The following IRAK1BP1 variants were observed in gnomAD, a reference collection of about 807,000 sequenced individuals.
IRAK1BP1 encodes the protein interleukin 1 receptor associated kinase 1 binding protein 1.
IRAK1BP1 carries 24 observed loss-of-function variants against 28.0 expected under a neutral mutation model. The observed-to-expected ratio is 0.86, with a 90% CI of 0.62 to 1.20. IRAK1BP1 has a LOEUF of 1.20. Among genes scored for constraint, IRAK1BP1 ranks in the 50% most tolerant of loss-of-function variants. The pLI, the probability that IRAK1BP1 is intolerant of heterozygous loss-of-function variation, is 0.00. For synonymous variants in IRAK1BP1, 131 were observed against 116.3 expected, an observed-to-expected ratio of 1.13 and a Z score of -0.81; for missense variants, 336 against 316.7, an observed-to-expected ratio of 1.06 and a Z score of -0.46.
chr6:78,942,911 T>C (rs1773576248), intron 4 of IRAK1BP1, among the ~76,000 whole-genome samples: 2 of 152,188 alleles, frequency 1.3e-5, no homozygotes, highest in Admixed American at 6.5e-5. Flanking sequence ...TAAGAATGAA[T>C]GCAGCTTTCT....
At chr6:78,904,943 A>G (rs1376765203), downstream of IRAK1BP1, among the ~76,000 whole-genome samples, 1 of 152,250 alleles carries the variant, frequency 6.6e-6, no homozygotes, top group African/African-American at 2.4e-5. Context: ...ATATAGTGAT[A>G]CAGATTCATG....
chr6:78,876,213 C>T (rs1770997430), intron 1 of IRAK1BP1, among the ~76,000 whole-genome samples: 1 of 152,082 alleles, frequency 6.6e-6, no homozygotes, highest in Admixed American at 6.5e-5. Context: ...GACACTTTAT[C>T]ACTCTCTCTC....
downstream of IRAK1BP1, among the ~76,000 whole-genome samples, chr6:78,951,380 T>C (rs1179986629): frequency 6.6e-6 from 1 of 152,148 alleles, no homozygotes. Flanking sequence ...CATTAAAAAT[T>C]TAATTTTTAA....
At chr6:78,871,862 C>G in intron 1 of IRAK1BP1, 3 of 494,584 alleles carry the variant, frequency 6.1e-6, no homozygotes, top group Admixed American at 4.1e-5. Flanking sequence ...GATACCACTA[C>G]TTGTATCCTT....
chr6:78,868,887 T>C (rs1393744066), intron 1 of IRAK1BP1, among the ~76,000 whole-genome samples: 2 of 152,178 alleles, frequency 1.3e-5, no homozygotes, highest in African/African-American at 2.4e-5. Flanking sequence ...CAGGATGACA[T>C]TGAGTTGGTA....
chr6:78,947,311 G>A (rs139084493), downstream of IRAK1BP1, among the ~76,000 whole-genome samples: 54 of 152,126 alleles, frequency 3.5e-4, no homozygotes, highest in Middle Eastern at 3.4e-3. Context: ...AAAAATCTTC[G>A]CAAAAATGCT....
chr6:78,868,812 G>A (rs1282279468), intron 1 of IRAK1BP1, among the ~76,000 whole-genome samples: 2 of 152,148 alleles, frequency 1.3e-5, no homozygotes, highest in African/African-American at 4.8e-5. Flanking sequence ...AAATCATAGG[G>A]ATCAACGATT....
chr6:78,907,430 G>A (rs1411259310), downstream of IRAK1BP1, among the ~76,000 whole-genome samples: 1 of 152,116 alleles, frequency 6.6e-6, no homozygotes, highest in Non-Finnish European at 1.5e-5. Context: ...TGTGTGTCCA[G>A]ATAAAAGCCC....
the IRAK1BP1 span, among the ~76,000 whole-genome samples, chr6:78,966,930 T>C: frequency 6.6e-6 from 1 of 152,352 alleles, no homozygotes; most frequent in East Asian, 1.9e-4. Flanking sequence ...TTGAACTTCA[T>C]TTTCCTTGTC....
At chr6:78,938,007 G>A (rs1773338118) in intron 4 of IRAK1BP1, 1 of 151,518 alleles carries the variant, frequency 6.6e-6, no homozygotes, top group South Asian at 2.1e-4. Context: ...TTTCTTTCTG[G>A]CCTATTAACA....
In IRAK1BP1 at chr6:78,898,726, A is replaced by G. The variant is rs1771995577; in HGVS notation, c.*392A>G. On this transcript the variant is annotated 3_prime_UTR_variant, in exon 4 of 4. Transcript: ENST00000369940. Reference sequence around the variant, plus strand: ...TTTTATATAAAACCAAATTTTATGTAAAAACTAGGCTTCAATAAGTTAGCT... The same window carrying G: ...TTTTATATAAAACCAAATTTTATGTGAAAACTAGGCTTCAATAAGTTAGCT... 6.6e-6 allele frequency: 1 copy of G among 151,948 alleles called. No homozygotes were observed. Among genetic ancestry groups the G allele is most frequent in the Non-Finnish European group, 1.5e-5 (1 of 67,982 alleles). The allele number at this position is 151,948 out of a possible 1,614,324, so 9.4% of individuals were successfully genotyped here.
downstream of IRAK1BP1, among the ~76,000 whole-genome samples, chr6:78,905,447 A>G (rs1031378397): frequency 1.3e-5 from 2 of 152,214 alleles, no homozygotes; most frequent in Non-Finnish European, 2.9e-5. Context: ...CTGCTTCTCT[A>G]TGTGTGAATT....
intron 1 of IRAK1BP1, among the ~76,000 whole-genome samples, chr6:78,880,773 A>G (rs1490257605): frequency 6.6e-6 from 1 of 152,218 alleles, no homozygotes; most frequent in African/African-American, 2.4e-5. Flanking sequence ...GGCACATGAA[A>G]AGATACTCAA....
At chr6:78,884,773 A>G (rs889087618) in intron 1 of IRAK1BP1, among the ~76,000 whole-genome samples, 2 of 152,264 alleles carry the variant, frequency 1.3e-5, no homozygotes, top group Admixed American at 6.5e-5. Context: ...TGTAAATTAA[A>G]TATTTTTTAA....
intron 2 of IRAK1BP1, among the ~76,000 whole-genome samples, chr6:78,895,427 C>T (rs1349615728): frequency 6.6e-6 from 1 of 152,112 alleles, no homozygotes; most frequent in African/African-American, 2.4e-5. Context: ...AGACCAATAT[C>T]CATCATAAAT....
intron 4 of IRAK1BP1, chr6:78,945,248 T>G: frequency 2.3e-6 from 3 of 1,295,554 alleles, no homozygotes; most frequent in Non-Finnish European, 3.3e-6. Flanking sequence ...AACAAAAGCA[T>G]TATTTATAAT....
intron 4 of IRAK1BP1, among the ~76,000 whole-genome samples, chr6:78,925,387 A>G (rs1380012846): frequency 6.6e-6 from 1 of 152,196 alleles, no homozygotes. Flanking sequence ...ACATGAACGG[A>G]CACTTCTCAA....
At chr6:78,870,366 T>A (rs1031421965) in intron 1 of IRAK1BP1, among the ~76,000 whole-genome samples, 2 of 152,140 alleles carry the variant, frequency 1.3e-5, no homozygotes, top group Non-Finnish European at 2.9e-5. Context: ...TAAAAACTTA[T>A]CCTGTATCAT....
At chr6:78,937,230 C>T (rs1773304065) in intron 4 of IRAK1BP1, 1 of 151,594 alleles carries the variant, frequency 6.6e-6, no homozygotes, top group Non-Finnish European at 1.5e-5. Flanking sequence ...GAAAAAGTTG[C>T]TTCTAGCTGA....
Sources: allele counts gnomAD v4.1 joint callset (sites outside exome capture counted in the v4.1 genomes callset), GRCh38; gene constraint gnomAD v4.1.1; transcripts MANE v1.5; gene names NCBI Gene and HGNC (gene_info 2026-07-23, HGNC 2026-07-21).